Variants in C4orf54 observed in about 807,000 individuals in gnomAD.
The protein encoded by C4orf54 is uncharacterized protein C4orf54.
C4orf54 carries 67 observed loss-of-function variants against 80.1 expected under a neutral mutation model. The ratio of observed to expected loss-of-function variants is 0.84; its 90% CI spans 0.69 to 1.03. The LOEUF (loss-of-function observed/expected upper bound fraction) is 1.03, where lower values mean the gene tolerates loss of function less well. C4orf54 is among the 50% of genes least tolerant of loss of function. The pLI is 0.00. For missense variants in C4orf54, 2,434 were observed against 2,253.5 expected, an observed-to-expected ratio of 1.08 and a Z score of -1.62; for synonymous variants, 1,000 against 917.0, an observed-to-expected ratio of 1.09 and a Z score of -1.64.
rs1329020907 is a variant in C4orf54 at position 99,650,819 on chromosome 4, C to T, written c.3830G>A (p.Arg1277His). The T allele has an allele frequency of 3.3e-6, 5 of 1,536,044 alleles. No individual in the cohort carries two copies. The highest frequency in any genetic ancestry group is 1.7e-4 in the Middle Eastern group (1 of 6,012). ...CATCATAGGCAAGGGGTCGCTTTTG[C>T]GCTTCCACTCGTTCCTGTTGAAGCT... is the stretch of plus-strand genomic sequence containing the variant. ...LYSFNRNEWK[R>H]KSDPLPMMMD... The change falls in exon 2 of 3, where the codon CGC becomes CAC. Residue 1277 changes from arginine to histidine, a missense_variant. Arg to His is a conservative substitution (Grantham distance 29, BLOSUM62 0). Transcript: ENST00000511828.
At position 99,653,128 on chromosome 4, in the gene C4orf54, G is replaced by A. The variant is rs1343051243; in HGVS notation, c.1521C>T (p.Ala507=). 3 of 1,536,164 alleles carry A rather than the reference G, an allele frequency of 2.0e-6. No homozygotes were observed. The highest frequency in any genetic ancestry group is 1.2e-5 in the South Asian group (1 of 84,064). The part of the protein sequence containing the change: ...TPEAASGAAA[A]AASSCGSAAS... ...CTGCACTCCCACAGCTGCTTGCGGCGGCGGCTGCTGCCCCTGAAGCTGCCT... is the reference window on the plus strand; with the variant it reads ...CTGCACTCCCACAGCTGCTTGCGGCAGCGGCTGCTGCCCCTGAAGCTGCCT... Residue 507 remains alanine, a synonymous_variant, in exon 2 of 3, where the codon GCC becomes GCT. Coordinates refer to ENST00000511828, the MANE Select transcript of C4orf54 (RefSeq NM_001354435.2).
chr4:99,654,021 T>A lies in C4orf54; in HGVS notation c.628A>T (p.Thr210Ser). Residue 210 changes from threonine to serine, a missense_variant, in exon 2 of 3, where the codon ACC becomes TCC. Coordinates refer to ENST00000511828, the MANE Select transcript of C4orf54 (RefSeq NM_001354435.2). ...SAEVQRESPQ[T>S]MKLTLGHCPG... is the part of the protein sequence containing the mutation. ...CAGTGCCCCAGGGTAAGTTTCATGG[T>A]CTGGGGACTCTCCCTCTGGACTTCA... is the stretch of plus-strand genomic sequence containing the variant. 6.5e-7 allele frequency: 1 copy of A among 1,536,088 alleles called. No individual in the cohort carries two copies. Among genetic ancestry groups the A allele is most frequent in the Non-Finnish European group, 8.7e-7 (1 of 1,146,878 alleles).
chr4:99,643,602 C>A (rs886171398), intron 2 of C4orf54, among the ~76,000 whole-genome samples: 1 of 152,076 alleles, frequency 6.6e-6, no homozygotes, highest in Non-Finnish European at 1.5e-5. Flanking sequence ...CTTTTTGGGG[C>A]ATATAATGTT....
chr4:99,646,784 T>C (rs1332327706), intron 2 of C4orf54, among the ~76,000 whole-genome samples: 1 of 152,184 alleles, frequency 6.6e-6, no homozygotes, highest in African/African-American at 2.4e-5. Flanking sequence ...TTAAGGGAAA[T>C]TTTGACCTGA....
At position 99,652,397 on chromosome 4, in the gene C4orf54, A is replaced by G; in HGVS notation, c.2252T>C (p.Leu751Ser). Residue 751 changes from leucine to serine, a missense_variant, in exon 2 of 3, where the codon TTG becomes TCG. Leu to Ser is a moderately radical substitution (Grantham distance 145). Coordinates refer to ENST00000511828, the MANE Select transcript of C4orf54 (RefSeq NM_001354435.2). ...VQTGSRVVTL[L>S]EPLNVRSESK... is the part of the protein sequence containing the mutation. ...CTCACTGCGTACATTCAGGGGCTCC[A>G]AAAGGGTGACGACGCGGGAGCCCGT... is the stretch of plus-strand genomic sequence containing the variant. 5.9e-6 allele frequency: 9 copies of G among 1,536,046 alleles called. No individual in the cohort carries two copies. The highest frequency in any genetic ancestry group is 7.0e-6 in the Non-Finnish European group (8 of 1,146,880).
At chr4:99,643,087 T>A (rs1013213962) in intron 2 of C4orf54, among the ~76,000 whole-genome samples, 1 of 152,182 alleles carries the variant, frequency 6.6e-6, no homozygotes, top group Non-Finnish European at 1.5e-5. Context: ...GGAGTCTGCA[T>A]TGATAAGGGC....
Position 99,652,801 on chromosome 4 carries a change from C to A in C4orf54, c.1848G>T (p.Leu616=). The A allele has an allele frequency of 6.5e-7, 1 of 1,536,134 alleles. No homozygotes were observed. The highest frequency in any genetic ancestry group is 8.7e-7 in the Non-Finnish European group (1 of 1,146,920). Residue 616 remains leucine, a synonymous_variant, in exon 2 of 3, where the codon CTG becomes CTT. Coordinates refer to ENST00000511828, the MANE Select transcript of C4orf54 (RefSeq NM_001354435.2). The stretch of plus-strand genomic sequence containing the variant: ...TACGCACCTCTTTGTCCGCATCGTC[C>A]AGTTCGCTCACGGCACTGGAGGCTC... ...SSGASSAVSE[L]DDADKEVRNL... is the part of the protein sequence containing the mutation.
Position 99,651,078 on chromosome 4 carries a change from T to A in C4orf54, c.3571A>T (p.Thr1191Ser). 1 of 1,536,092 alleles carries A rather than the reference T, an allele frequency of 6.5e-7. No individual in the cohort carries two copies. The highest frequency in any genetic ancestry group is 8.7e-7 in the Non-Finnish European group (1 of 1,146,898). ...CCAGATGCCCTGTGAACCAAGACTG[T>A]CCCTTCTGGGGAGGAAGAATTCAAG... Reference protein sequence around the residue: ...RVLNSSSPEGTVLVHRASGRL... With the variant: ...RVLNSSSPEGSVLVHRASGRL... The change falls in exon 2 of 3, where the codon ACA becomes TCA. Residue 1191 changes from threonine to serine, a missense_variant. By Grantham distance (58) the Thr-to-Ser change is moderately conservative (BLOSUM62 1). Coordinates refer to ENST00000511828, the MANE Select transcript of C4orf54 (RefSeq NM_001354435.2).
rs1054839913 is a variant in C4orf54, at chr4:99,639,586, C to T, written c.*1647G>A. On this transcript the variant is annotated 3_prime_UTR_variant, in exon 3 of 3. Transcript: ENST00000511828. ...AGCTTCATTTCATAGCTCATCAGCA[C>T]AACAAGCAATTGAATCGTGATCAGA... 1 of 152,102 alleles carries T rather than the reference C, an allele frequency of 6.6e-6. No individual in the cohort carries two copies. The highest frequency in any genetic ancestry group is 1.5e-5 in the Non-Finnish European group (1 of 67,982). The allele number at this position is 152,102 out of a possible 1,614,324, so 9.4% of individuals were successfully genotyped here.
Position 99,654,467 on chromosome 4 carries a change from G to T in C4orf54, c.182C>A (p.Thr61Asn). The change falls in exon 2 of 3, where the codon ACC becomes AAC. Residue 61 changes from threonine (T) to asparagine (N), a missense_variant. Coordinates refer to ENST00000511828, the MANE Select transcript of C4orf54 (RefSeq NM_001354435.2). ...GCTCCTGGATGAGGCGGTGGAGGTG[G>T]TCTGTGGCTGGGGGGCTGCTGCTCC... Reference protein sequence around the residue: ...SAGAAAPQPQTTSTASSRSLP... With the variant: ...SAGAAAPQPQNTSTASSRSLP... 5.6e-6 allele frequency: 4 copies of T among 709,616 alleles called. No individual in the cohort carries two copies. The highest frequency in any genetic ancestry group is 4.4e-5 in the South Asian group (3 of 67,714). The allele number at this position is 709,616 out of a possible 1,614,324, so 44.0% of individuals were successfully genotyped here. A position where few individuals can be genotyped will look rare whatever the true frequency, so the allele number is the denominator to read the frequency against.
At chr4:99,641,614 T>G (rs982888945) in intron 2 of C4orf54, among the ~76,000 whole-genome samples, 7 of 152,188 alleles carry the variant, frequency 4.6e-5, no homozygotes, top group Non-Finnish European at 1.0e-4. Flanking sequence ...AACTCCATGC[T>G]GAGAATTCTT....
At position 99,652,317 on chromosome 4, in the gene C4orf54, C is replaced by T. The variant is rs755074675; in HGVS notation, c.2332G>A (p.Gly778Ser). The T allele has an allele frequency of 3.9e-5, 60 of 1,535,800 alleles. No individual in the cohort carries two copies. In the African/African-American group the frequency reaches 7.4e-4, roughly 19 times the overall value. ...PGRATKGPGKGPGSAYTDDGS... is the reference protein window; with the variant it reads ...PGRATKGPGKSPGSAYTDDGS... ...TCGTCCGTGTATGCCGACCCGGGAC[C>T]CTTGCCGGGGCCTTTGGTGGCCCTG... is the stretch of plus-strand genomic sequence containing the variant. Residue 778 changes from glycine (G) to serine (S), a missense_variant, in exon 2 of 3, where the codon GGT becomes AGT. Coordinates refer to ENST00000511828, the MANE Select transcript of C4orf54 (RefSeq NM_001354435.2).
In C4orf54 at chr4:99,650,343, G is replaced by T. The variant is rs78537436; in HGVS notation, c.4306C>A (p.Arg1436=). Residue 1436 remains arginine (R), a synonymous_variant, in exon 2 of 3, where the codon CGG becomes AGG. Transcript: ENST00000511828. ...GTGGCTGGAGAGATCTTGAGGGACC[G>T]GAGTCCCTGCGACTTGATGCCCTTA... ...AAKGIKSQGL[R]SLKISPATRA... 3.0e-4 allele frequency: 464 copies of T among 1,536,058 alleles called. 1 individual carries two copies. In the African/African-American group the frequency reaches 5.9e-3, roughly 20 times the overall value.
Position 99,649,482 on chromosome 4 carries a change from T to A in C4orf54, c.5167A>T (p.Thr1723Ser). The A allele has an allele frequency of 1.3e-6, 2 of 1,536,086 alleles. No individual in the cohort carries two copies. The highest frequency in any genetic ancestry group is 2.4e-5 in the South Asian group (2 of 84,048). The change falls in exon 2 of 3, where the codon ACC becomes TCC. Residue 1723 changes from threonine (T) to serine (S), a missense_variant. Transcript: ENST00000511828. Reference sequence around the variant, plus strand: ...GAAGCCATGAAGTATGGGGCCTCGGTGAACGTTGCAGCTGCCTCTTTGCTG... The same window carrying A: ...GAAGCCATGAAGTATGGGGCCTCGGAGAACGTTGCAGCTGCCTCTTTGCTG... The part of the protein sequence containing the change: ...PSSKEAAATF[T>S]EAPYFMASGQ...
Position 99,654,254 on chromosome 4 carries a change from C to A in C4orf54, c.395G>T (p.Cys132Phe), listed in dbSNP as rs1319159616. ...RTQDFPSDHH[C>F]LFLSLKPGQG... ...CCCAGGTTTCAGCGACAGGAAGAGA[C>A]AATGGTGATCGCTGGGGAAGTCTTG... The change falls in exon 2 of 3, where the codon TGT (cysteine) becomes TTT (phenylalanine). Residue 132 changes from cysteine (C) to phenylalanine (F), a missense_variant. Coordinates refer to ENST00000511828, the MANE Select transcript of C4orf54 (RefSeq NM_001354435.2). 7.2e-6 allele frequency: 11 copies of A among 1,536,012 alleles called. No homozygotes were observed. The highest frequency in any genetic ancestry group is 2.0e-5 in the Admixed American group (1 of 50,984).
chr4:99,654,160 G>C lies in C4orf54; in HGVS notation c.489C>G (p.Asp163Glu). The change falls in exon 2 of 3, where the codon GAC becomes GAG. Residue 163 changes from aspartate (D) to glutamate (E), a missense_variant. Asp to Glu is a conservative substitution (Grantham distance 45). Coordinates refer to ENST00000511828, the MANE Select transcript of C4orf54 (RefSeq NM_001354435.2). The stretch of plus-strand genomic sequence containing the variant: ...GGCTGTCTTGAGCACTGCTCACCCC[G>C]TCCCCCACCTCCGCCTGTCTTGCTT... Reference protein sequence around the residue: ...NSKARQAEVGDGVSSAQDSQE... With the variant: ...NSKARQAEVGEGVSSAQDSQE... 1 of 1,536,100 alleles carries C rather than the reference G, an allele frequency of 6.5e-7. No individual in the cohort carries two copies. Among genetic ancestry groups the C allele is most frequent in the African/African-American group, 1.4e-5 (1 of 73,142 alleles).
chr4:99,648,252 A>G (rs1423254838), intron 2 of C4orf54, among the ~76,000 whole-genome samples: 2 of 152,138 alleles, frequency 1.3e-5, no homozygotes, highest in Non-Finnish European at 2.9e-5. Context: ...CCCGGTTTGA[A>G]CAAGTAAAGC....
intron 1 of C4orf54, among the ~76,000 whole-genome samples, chr4:99,656,785 T>C (rs1726986710): frequency 6.6e-6 from 1 of 152,212 alleles, no homozygotes; most frequent in Non-Finnish European, 1.5e-5. Flanking sequence ...AGAAATTATG[T>C]GACAGACTTC....
At chr4:99,648,553 A>ATGTGTGTGTGTGTGTG in intron 2 of C4orf54, among the ~76,000 whole-genome samples, 1 of 114,202 alleles carries the variant, frequency 8.8e-6, no homozygotes, top group African/African-American at 4.1e-5. Flanking sequence ...ATAGAGAACA[A>ATGTGTGTGTGTGTGTG]AGTGTGTGTG....
Sources: gnomAD v4.1 joint callset for allele counts (sites outside exome capture counted in the v4.1 genomes callset) on GRCh38, gnomAD v4.1.1 for gene constraint, MANE v1.5 for transcripts, NCBI Gene and HGNC (gene_info 2026-07-23, HGNC 2026-07-21) for gene names.